The following LILRB5 variants were observed in gnomAD, a reference collection of about 807,000 sequenced individuals.
LILRB5 encodes the protein leukocyte immunoglobulin like receptor B5.
In LILRB5, 61 loss-of-function variants were observed where a neutral mutation model predicts 68.4. That is an observed-to-expected ratio of 0.89 (90% confidence interval 0.73 to 1.10). The LOEUF (loss-of-function observed/expected upper bound fraction) is 1.10. Among genes scored for constraint, LILRB5 ranks in the 50% least tolerant of loss-of-function variants. The probability of loss-of-function intolerance (pLI) is 0.00; values close to 1 mark genes in which losing one functional copy is unlikely to be tolerated. For missense variants in LILRB5, 771 were observed against 751.6 expected (o/e 1.03, Z -0.30); for synonymous variants, 356 against 315.8 (o/e 1.13, Z -1.35).
chr19:54,254,311 G>A, intron 7 of LILRB5, 54 bp downstream of exon 7: 1 of 1,535,134 alleles, frequency 6.5e-7, no homozygotes, highest in South Asian at 1.2e-5. Context: ...GAGACTCAGG[G>A]CTGCCTGGGG....
chr19:54,252,180 C>A (rs551698686), intron 11 of LILRB5, 74 bp from the exon 12 acceptor site: 1 of 1,555,766 alleles, frequency 6.4e-7, no homozygotes, highest in Non-Finnish European at 8.8e-7. Flanking sequence ...AGCCCTTGCC[C>A]TGTTCCCACT....
Position 54,256,574 on chromosome 19 carries a change from A to G in LILRB5, c.270T>C (p.Tyr90=). ...AGCAGCGGTATCGCCCTGCACTGTC[A>G]TACACCGTGGATGGAATGTGGAACT... ...KAKFHIPSTV[Y]DSAGRYRCYY... The change falls in exon 3 of 13, where the codon TAT becomes TAC. Residue 90 remains tyrosine, a synonymous_variant. Coordinates refer to ENST00000449561, the MANE Select transcript of LILRB5 (RefSeq NM_001081442.3). The G allele has an allele frequency of 3.1e-6, 5 of 1,614,114 alleles. No homozygotes were observed. Among genetic ancestry groups the G allele is most frequent in the Non-Finnish European group, 4.2e-6 (5 of 1,179,988 alleles).
intron 1 of LILRB5, 33 bp downstream of exon 1, chr19:54,257,127 C>T (rs753167771): frequency 1.9e-5 from 30 of 1,613,966 alleles, no homozygotes; most frequent in East Asian, 6.7e-5. Flanking sequence ...CCCTCCAAGA[C>T]GGGGACCTTC....
At position 54,252,368 on chromosome 19, in the gene LILRB5, A is replaced by T; in HGVS notation, c.1574T>A (p.Leu525His). 6.2e-7 allele frequency: 1 copy of T among 1,613,978 alleles called. No individual in the cohort carries two copies. Residue 525 changes from leucine to histidine, a missense_variant and splice_region_variant, in exon 11 of 13, where the codon CTC becomes CAC. Transcript: ENST00000449561. ...SPVADIQEEILNAAVKDTQPK... is the reference protein window; with the variant it reads ...SPVADIQEEIHNAAVKDTQPK... Reference sequence around the variant, plus strand: ...GCCCTCCGCTTCTAGTCACTCACTGAGAATTTCCTCCTGGATGTCAGCAAC... The same window carrying T: ...GCCCTCCGCTTCTAGTCACTCACTGTGAATTTCCTCCTGGATGTCAGCAAC...
rs533750453 is a variant in LILRB5 at position 54,254,470 on chromosome 19, C to T, written c.1256-55G>A. The T allele has an allele frequency of 1.8e-5, 28 of 1,521,526 alleles. No homozygotes were observed. In the South Asian group the frequency reaches 2.4e-4, roughly 13 times the overall value. 94.3% of individuals were successfully genotyped at this position (1,521,526 alleles called of 1,614,324 possible). A position where few individuals can be genotyped will look rare whatever the true frequency, so the allele number is the denominator to read the frequency against. On this transcript the variant is annotated intron_variant, in intron 6 of 12. Transcript: ENST00000449561. The stretch of plus-strand genomic sequence containing the variant: ...CGCTTTGGTGCTGAGTGAGGAAACC[C>T]GTCCCTCCACCTGCCCGTGGCTTCT...
rs776349392 is a variant in LILRB5 at position 54,254,637 on chromosome 19, C to T, written c.1255+98G>A. 25 of 1,477,664 alleles carry T rather than the reference C, an allele frequency of 1.7e-5. No individual in the cohort carries two copies. In the Admixed American group the frequency reaches 1.8e-4, roughly 11 times the overall value. 91.5% of individuals were successfully genotyped at this position (1,477,664 alleles called of 1,614,324 possible). ...CTGGCTGAGCCCCCCTCAAACCCTC[C>T]CCCCCGCACCGCGACTCCATCCCAG... On this transcript the variant is annotated intron_variant, in intron 6 of 12. Transcript: ENST00000449561.
rs777584542 is a variant in LILRB5 at position 54,256,137 on chromosome 19, G to A, written c.561C>T (p.Pro187=). Residue 187 remains proline (P), a synonymous_variant, in exon 4 of 13, where the codon CCC becomes CCT. Transcript: ENST00000449561. ...AGCATCTGAACCTCCACCTGCAGCTGGGGGTCACGGGACCCACAGGGAACA... is the reference window on the plus strand; with the variant it reads ...AGCATCTGAACCTCCACCTGCAGCTAGGGGTCACGGGACCCACAGGGAACA... ...QALFPVGPVT[P]SCRWRFRCYY... is the part of the protein sequence containing the mutation. The A allele has an allele frequency of 2.5e-6, 4 of 1,610,296 alleles. No individual in the cohort carries two copies. The African/African-American group carries it at 5.4e-5, about 22-fold the overall frequency.
chr19:54,256,068 A>G lies in LILRB5; in HGVS notation c.630T>C (p.Ser210=), dbSNP rs199539096. The part of the protein sequence containing the change: ...RKNPQVWSNP[S]DLLEILVPGV... The stretch of plus-strand genomic sequence containing the variant: ...CTGGGACCAGAATCTCCAGGAGGTC[A>G]CTGGGGTTCGACCACACCTGAGGGT... Residue 210 remains serine, a synonymous_variant, in exon 4 of 13, where the codon AGT becomes AGC. Coordinates refer to ENST00000449561, the MANE Select transcript of LILRB5 (RefSeq NM_001081442.3). The G allele has an allele frequency of 1.9e-6, 3 of 1,554,300 alleles. No individual in the cohort carries two copies. The South Asian group carries it at 3.6e-5, about 19-fold the overall frequency.
rs1281343157 is a variant in LILRB5, at chr19:54,256,602, G to A, written c.242C>T (p.Ala81Val). The change falls in exon 3 of 13, where the codon GCC becomes GTC. Residue 81 changes from alanine to valine, a missense_variant. Coordinates refer to ENST00000449561, the MANE Select transcript of LILRB5 (RefSeq NM_001081442.3). ...CACCGTGGATGGAATGTGGAACTTG[G>A]CCTTGGCTCCAGGCTCCAGTGGGTT... is the stretch of plus-strand genomic sequence containing the variant. Reference protein sequence around the residue: ...RQNPLEPGAKAKFHIPSTVYD... With the variant: ...RQNPLEPGAKVKFHIPSTVYD... 6.2e-7 allele frequency: 1 copy of A among 1,614,180 alleles called. No individual in the cohort carries two copies. Among genetic ancestry groups the A allele is most frequent in the East Asian group, 2.2e-5 (1 of 44,880 alleles).
rs186442646 is a variant in LILRB5 at position 54,252,240 on chromosome 19, G to C, written c.1576+126C>G. On this transcript the variant is annotated intron_variant, in intron 11 of 12. Transcript: ENST00000449561. ...ACTGTGATGTCCCTGAGGTCCCACA[G>C]TGTGGGTTCAGACCGCCTCCCCCTT... 44 of 1,439,670 alleles carry C rather than the reference G, an allele frequency of 3.1e-5. 1 individual carries two copies. In the Middle Eastern group the frequency reaches 5.4e-4, roughly 18 times the overall value. The allele number at this position is 1,439,670 out of a possible 1,614,324, so 89.2% of individuals were successfully genotyped here.
At chr19:54,253,046 T>A in intron 8 of LILRB5, 59 bp from the exon 9 acceptor site, 1 of 1,180,224 alleles carries the variant, frequency 8.5e-7, no homozygotes, top group Non-Finnish European at 1.2e-6. Context: ...ACCTTCTGTG[T>A]GCAGGCGCGA....
chr19:54,254,152 A>G (rs2054832992), intron 7 of LILRB5, 84 bp from the exon 8 acceptor site: 6 of 1,541,864 alleles, frequency 3.9e-6, no homozygotes, highest in Admixed American at 2.1e-5. Context: ...CTGGGCCCCA[A>G]CACCCAACAT....
intron 8 of LILRB5, 187 bp downstream of exon 8, chr19:54,253,831 G>T: frequency 1.3e-6 from 2 of 1,490,260 alleles, no homozygotes; most frequent in Non-Finnish European, 1.8e-6. Flanking sequence ...CTGCCGGTGG[G>T]ACAGGACAGT....
intron 8 of LILRB5, chr19:54,253,409 C>G (rs892207517): frequency 9.7e-6 from 2 of 206,302 alleles, no homozygotes; most frequent in Non-Finnish European, 2.0e-5. Flanking sequence ...TGCTCTCACT[C>G]CCAGCTCAGC....
chr19:54,253,927 C>T lies in LILRB5; in HGVS notation c.1357+91G>A, dbSNP rs1306920253. The T allele has an allele frequency of 2.6e-6, 4 of 1,549,050 alleles. No individual in the cohort carries two copies. In the East Asian group the frequency reaches 9.8e-5, roughly 38 times the overall value. ...AGGCAGGGGAAGGGCTTGTGCACTT[C>T]ACCATCTCCAGAGGAGCCTGAACCT... On this transcript the variant is annotated intron_variant, in intron 8 of 12. Coordinates refer to ENST00000449561, the MANE Select transcript of LILRB5 (RefSeq NM_001081442.3).
intron 5 of LILRB5, 56 bp downstream of exon 5, chr19:54,255,230 C>T (rs2079089329): frequency 2.5e-6 from 4 of 1,586,252 alleles, no homozygotes; most frequent in African/African-American, 1.3e-5. Flanking sequence ...ATTGGATTCC[C>T]CCGGCAGGAC....
chr19:54,252,733 CTTT>C lies in LILRB5; in HGVS notation c.1474+135_1474+137del, dbSNP rs1224015634. On this transcript the variant is annotated intron_variant, in intron 9 of 12. Coordinates refer to ENST00000449561, the MANE Select transcript of LILRB5 (RefSeq NM_001081442.3). Reference sequence around the variant, plus strand: ...CACACATGCTCACATTTATTCTCTTCTTTCTCGATCGATTTTTCACCTGGGAAT... The same window carrying C: ...CACACATGCTCACATTTATTCTCTTCCTCGATCGATTTTTCACCTGGGAAT... The C allele has an allele frequency of 2.9e-6, 3 of 1,028,534 alleles. No homozygotes were observed. The African/African-American group carries it at 4.8e-5, about 17-fold the overall frequency. 63.7% of individuals were successfully genotyped at this position (1,028,534 alleles called of 1,614,324 possible). A position where few individuals can be genotyped will look rare whatever the true frequency, so the allele number is the denominator to read the frequency against.
Position 54,256,276 on chromosome 19 carries a change from G to A in LILRB5, c.422C>T (p.Thr141Ile), listed in dbSNP as rs2079139166. ...SPVVASGGNV[T>I]LQCDTLDGLL... is the part of the protein sequence containing the mutation. ...TCCGTCCAGTGTATCACACTGGAGG[G>A]TCACATTTCCTCCTGAGGCCACCAC... is the stretch of plus-strand genomic sequence containing the variant. The change falls in exon 4 of 13, where the codon ACC becomes ATC. Residue 141 changes from threonine (T) to isoleucine (I), a missense_variant. Coordinates refer to ENST00000449561, the MANE Select transcript of LILRB5 (RefSeq NM_001081442.3). 1 of 1,613,576 alleles carries A rather than the reference G, an allele frequency of 6.2e-7. No individual in the cohort carries two copies. The highest frequency in any genetic ancestry group is 1.3e-5 in the African/African-American group (1 of 74,850).
chr19:54,250,625 G>T lies in LILRB5; in HGVS notation c.*161C>A. On this transcript the variant is annotated 3_prime_UTR_variant, in exon 13 of 13. Coordinates refer to ENST00000449561, the MANE Select transcript of LILRB5 (RefSeq NM_001081442.3). ...GCAAGGATATTAGTCATCTTTGACT[G>T]CAGAATCTAGTGAGTCCCAGAGTTC... 1.2e-6 allele frequency: 1 copy of T among 814,976 alleles called. No individual in the cohort carries two copies. The highest frequency in any genetic ancestry group is 1.9e-6 in the Non-Finnish European group (1 of 522,050). 50.5% of individuals were successfully genotyped at this position (814,976 alleles called of 1,614,324 possible).
Sources: allele counts gnomAD v4.1 joint callset, GRCh38; gene constraint gnomAD v4.1.1; transcripts MANE v1.5; gene names NCBI Gene and HGNC (gene_info 2026-07-23, HGNC 2026-07-21).